Variants in ZNF516 observed in about 807,000 individuals in gnomAD.
The protein encoded by ZNF516 is zinc finger protein 516.
ZNF516 carries 19 observed loss-of-function variants against 79.7 expected under a neutral mutation model. The observed-to-expected ratio is 0.24, with a 90% CI of 0.17 to 0.35. ZNF516 has a LOEUF of 0.35. Ranked by LOEUF, ZNF516 falls within the 10% of genes least tolerant of loss-of-function variation. The pLI, the probability that ZNF516 is intolerant of heterozygous loss-of-function variation, is 1.00. For synonymous variants in ZNF516, 877 were observed against 739.5 expected (o/e 1.19, Z -3.02); for missense variants, 1,678 against 1,679.5 (o/e 1.00, Z 0.02).
chr18:76,360,286 C>T lies in ZNF516; in HGVS notation c.*2212G>A, dbSNP rs2074511156. 1 of 152,138 alleles carries T rather than the reference C, an allele frequency of 6.6e-6. No homozygotes were observed. Among genetic ancestry groups the T allele is most frequent in the African/African-American group, 2.4e-5 (1 of 41,420 alleles). The allele number at this position is 152,138 out of a possible 1,614,324, so 9.4% of individuals were successfully genotyped here. A position where few individuals can be genotyped will look rare whatever the true frequency, so the allele number is the denominator to read the frequency against. ...CTACACTTTCGTGTCACTTTGGGTA[C>T]AGAATTTCTTTTTAATAACTAAAAC... On this transcript the variant is annotated 3_prime_UTR_variant, in exon 7 of 7. Coordinates refer to ENST00000443185, the MANE Select transcript of ZNF516 (RefSeq NM_014643.4).
rs571461431 is a variant in ZNF516 at position 76,440,761 on chromosome 18, T to TGTGTGTGCGC, written c.1810+483_1810+484insGCGCACACAC. 2.4e-3 allele frequency among the ~76,000 whole-genome samples: 365 copies of TGTGTGTGCGC among 150,224 alleles called. 2 individuals carry two copies. The highest frequency in any genetic ancestry group is 8.1e-3 in the African/African-American group (329 of 40,850). The stretch of plus-strand genomic sequence containing the variant: ...GTGTGTTTGTGTGTGTGTGTGTGTG[T>TGTGTGTGCGC]GCGCGCACGCGCGCATGCATCGTAT... On this transcript the variant is annotated intron_variant, in intron 3 of 6. Coordinates refer to ENST00000443185, the MANE Select transcript of ZNF516 (RefSeq NM_014643.4).
chr18:76,486,091 T>C (rs887972777), intron 1 of ZNF516, among the ~76,000 whole-genome samples: 2 of 152,178 alleles, frequency 1.3e-5, no homozygotes, highest in East Asian at 1.9e-4. Flanking sequence ...TAACAGTCAC[T>C]CAGCATTGAA....
chr18:76,453,123 A>T (rs536041848), intron 2 of ZNF516, among the ~76,000 whole-genome samples: 15 of 152,354 alleles, frequency 9.8e-5, no homozygotes, highest in East Asian at 7.7e-4. Flanking sequence ...ACTTCACAGA[A>T]CTAAAAAATA....
intron 2 of ZNF516, among the ~76,000 whole-genome samples, chr18:76,453,768 A>G (rs1486539006): frequency 6.6e-6 from 1 of 152,184 alleles, no homozygotes; most frequent in African/African-American, 2.4e-5. Flanking sequence ...AGAAACTCGT[A>G]TTTTTTAACT....
Position 76,493,591 on chromosome 18 carries a change from T to C in ZNF516, c.-272+1553A>G, listed in dbSNP as rs1001894190. 5 of 152,248 alleles carry C rather than the reference T, an allele frequency of 3.3e-5. No individual in the cohort carries two copies. Among genetic ancestry groups the C allele is most frequent in the African/African-American group, 9.6e-5 (4 of 41,470 alleles). 9.4% of individuals were successfully genotyped at this position (152,248 alleles called of 1,614,324 possible). ...GTTAACAGATGTTAATCTTGTAATC[T>C]GTTTTTCCTGTAAGCACTTTACCTA... On this transcript the variant is annotated intron_variant, in intron 1 of 6. Transcript: ENST00000443185. This position sits in a 1 kb window ranked among gnomAD's most constrained non-coding sequence, Gnocchi z 5.2.
At chr18:76,433,338 G>GT (rs1243868790) in intron 3 of ZNF516, among the ~76,000 whole-genome samples, 1 of 152,164 alleles carries the variant, frequency 6.6e-6, no homozygotes, top group African/African-American at 2.4e-5. Context: ...TGTTCTCAGC[G>GT]TGAGTCCTGC....
intron 3 of ZNF516, among the ~76,000 whole-genome samples, chr18:76,391,219 G>GT (rs1443758903): frequency 6.6e-6 from 1 of 152,178 alleles, no homozygotes; most frequent in Admixed American, 6.5e-5. Context: ...AAGTGTGAGC[G>GT]TAAGGGCTCT....
At chr18:76,441,154 G>A in intron 3 of ZNF516, 91 bp downstream of exon 3, 2 of 1,469,994 alleles carry the variant, frequency 1.4e-6, no homozygotes, top group South Asian at 1.4e-5. Flanking sequence ...GGGCTAATGA[G>A]CGAGCCTACT....
At chr18:76,486,655 G>C (rs904603084) in intron 1 of ZNF516, among the ~76,000 whole-genome samples, 1 of 150,468 alleles carries the variant, frequency 6.6e-6, no homozygotes, top group Non-Finnish European at 1.5e-5. Context: ...TCCCCAGGGC[G>C]GTGAGAGACG....
In ZNF516 at chr18:76,446,378, G is replaced by A. The variant is rs540254406; in HGVS notation, c.-157-3167C>T. Among the ~76,000 whole-genome samples the A allele has an allele frequency of 3.9e-5, 6 of 152,304 alleles. No homozygotes were observed. The South Asian group carries it at 6.2e-4, about 16-fold the overall frequency. Reference sequence around the variant, plus strand: ...TGGGGAAATACAGACACTCTCGCTCGTGGATCACCAGAGCCCCCAAATACA... The same window carrying A: ...TGGGGAAATACAGACACTCTCGCTCATGGATCACCAGAGCCCCCAAATACA... On this transcript the variant is annotated intron_variant, in intron 2 of 6. Transcript: ENST00000443185.
At chr18:76,405,056 T>C (rs550732443) in intron 3 of ZNF516, among the ~76,000 whole-genome samples, 7 of 152,218 alleles carry the variant, frequency 4.6e-5, no homozygotes, top group Admixed American at 2.0e-4. Context: ...GCTGGGCCCA[T>C]TGCAGGCACA....
chr18:76,473,908 G>C (rs948351184), intron 1 of ZNF516, among the ~76,000 whole-genome samples: 4 of 145,874 alleles, frequency 2.7e-5, no homozygotes, highest in Non-Finnish European at 6.1e-5. Context: ...TTGTGTGGGG[G>C]GGGGGGGGGC....
rs774226756 is a variant in ZNF516, at chr18:76,447,186, C to A, written c.-157-3975G>T. ...AAGGGCATCCCTTCCAAAAAAAGAACAAGAATGCTGTCCTCAGAGCTTCCA... is the reference window on the plus strand; with the variant it reads ...AAGGGCATCCCTTCCAAAAAAAGAAAAAGAATGCTGTCCTCAGAGCTTCCA... On this transcript the variant is annotated intron_variant, in intron 2 of 6. Coordinates refer to ENST00000443185, the MANE Select transcript of ZNF516 (RefSeq NM_014643.4). Among the ~76,000 whole-genome samples the A allele has an allele frequency of 3.6e-4, 55 of 152,196 alleles. 1 individual carries two copies. The highest frequency in any genetic ancestry group is 3.6e-3 in the Admixed American group (55 of 15,290).
At chr18:76,376,933 A>C (rs3794936) in intron 4 of ZNF516, among the ~76,000 whole-genome samples, 22,918 of 152,176 alleles carry the variant, frequency 0.15, 1,983 homozygotes, top group Non-Finnish European at 0.2. Flanking sequence ...AACAGCACAG[A>C]CCTCACCACT....
chr18:76,401,874 A>ACCAACCACACCCC (rs1568262017), intron 3 of ZNF516, among the ~76,000 whole-genome samples: 2 of 148,010 alleles, frequency 1.4e-5, no homozygotes, highest in African/African-American at 2.5e-5. Context: ...CCCCTCCACT[A>ACCAACCACACCCC]CTGTTTATAG....
chr18:76,461,795 G>A (rs538029050), intron 2 of ZNF516, among the ~76,000 whole-genome samples: 1 of 152,208 alleles, frequency 6.6e-6, no homozygotes, highest in African/African-American at 2.4e-5. Flanking sequence ...GCCAACAGGC[G>A]AGGGGCCCAG....
chr18:76,480,727 G>A (rs1225437626), intron 1 of ZNF516, among the ~76,000 whole-genome samples: 1 of 152,036 alleles, frequency 6.6e-6, no homozygotes, highest in African/African-American at 2.4e-5. Context: ...TTGCCATGTT[G>A]GCCAGGCTGG....
At chr18:76,426,646 G>A (rs1435384364) in intron 3 of ZNF516, among the ~76,000 whole-genome samples, 1 of 151,984 alleles carries the variant, frequency 6.6e-6, no homozygotes, top group East Asian at 1.9e-4. Context: ...TTATTTGAAT[G>A]AATTAAAGAA....
At chr18:76,457,574 G>A (rs1912805512) in intron 2 of ZNF516, among the ~76,000 whole-genome samples, 1 of 152,238 alleles carries the variant, frequency 6.6e-6, no homozygotes, top group East Asian at 1.9e-4. Flanking sequence ...CAAATTAGCC[G>A]AGCGTGGCAG....
Sources: gnomAD v4.1 joint callset for allele counts (sites outside exome capture counted in the v4.1 genomes callset) on GRCh38, gnomAD v4.1.1 for gene constraint, Gnocchi (gnomAD v3.1) non-coding constraint, MANE v1.5 for transcripts, NCBI Gene and HGNC (gene_info 2026-07-23, HGNC 2026-07-21) for gene names.